SPSB1: variants seen among roughly 807,000 people sequenced by gnomAD.
SPSB1 encodes the protein splA/ryanodine receptor domain and SOCS box containing 1.
In SPSB1, 8 loss-of-function variants were observed where a neutral mutation model predicts 21.2. The observed-to-expected ratio is 0.38, with a 90% CI of 0.22 to 0.68. The LOEUF is 0.68. Among genes scored for constraint, SPSB1 ranks in the 30% least tolerant of loss-of-function variants. The pLI, the probability that SPSB1 is intolerant of heterozygous loss-of-function variation, is 0.53. For synonymous variants in SPSB1, 169 were observed against 161.7 expected (o/e 1.05, Z -0.34); for missense variants, 242 against 377.8 (o/e 0.64, Z 2.98).
At chr1:9,304,145 T>C (rs1639376969) in intron 1 of SPSB1, among the ~76,000 whole-genome samples, 1 of 152,262 alleles carries the variant, frequency 6.6e-6, no homozygotes, top group Non-Finnish European at 1.5e-5. Flanking sequence ...ACATCCTCCT[T>C]CTCCTGCACT....
chr1:9,323,794 A>G (rs1237445184), intron 1 of SPSB1, among the ~76,000 whole-genome samples: 1 of 152,120 alleles, frequency 6.6e-6, no homozygotes, highest in Non-Finnish European at 1.5e-5. Context: ...GCTAGTTTCC[A>G]GGGTCATGAG....
chr1:9,293,179 A>G lies in SPSB1; in HGVS notation c.-150+108A>G. The G allele has an allele frequency of 4.2e-6, 4 of 958,704 alleles. No individual in the cohort carries two copies. Among genetic ancestry groups the G allele is most frequent in the Non-Finnish European group, 4.9e-6 (4 of 809,008 alleles). The allele number at this position is 958,704 out of a possible 1,614,324, so 59.4% of individuals were successfully genotyped here. ...GACGCGGGGATCGCGCCGCTGGGGG[A>G]CCGAGTGGGTGGCGCGGGGCCGGGC... On this transcript the variant is annotated intron_variant, in intron 1 of 2. Coordinates refer to ENST00000328089, the MANE Select transcript of SPSB1 (RefSeq NM_025106.4). This position sits in a 1 kb window ranked among gnomAD's most constrained non-coding sequence, Gnocchi z 5.1.
intron 1 of SPSB1, among the ~76,000 whole-genome samples, chr1:9,330,002 A>C (rs995591534): frequency 6.6e-6 from 1 of 152,176 alleles, no homozygotes; most frequent in African/African-American, 2.4e-5. Flanking sequence ...GTGACTGCAC[A>C]TTTTTGCAAA....
chr1:9,335,897 CA>C (rs58099509), intron 1 of SPSB1, among the ~76,000 whole-genome samples: 110,998 of 152,114 alleles, frequency 0.73, 41,514 homozygotes, highest in African/African-American at 0.9. Flanking sequence ...CTCCGAATGT[CA>C]ATGTGCACAG....
At chr1:9,332,463 AG>A (rs1235042561) in intron 1 of SPSB1, among the ~76,000 whole-genome samples, 1 of 152,154 alleles carries the variant, frequency 6.6e-6, no homozygotes, top group African/African-American at 2.4e-5. Flanking sequence ...AGAGGCCAGG[AG>A]GGGGCCATTT....
At position 9,330,894 on chromosome 1, in the gene SPSB1, G is replaced by A. The variant is rs564291033; in HGVS notation, c.-149-24849G>A. On this transcript the variant is annotated intron_variant, in intron 1 of 2. Coordinates refer to ENST00000328089, the MANE Select transcript of SPSB1 (RefSeq NM_025106.4). ...TCCATCAGTGATACCCAAGGGTTCCGGTTTCTCCACATCCTTGCCAACACT... is the reference window on the plus strand; with the variant it reads ...TCCATCAGTGATACCCAAGGGTTCCAGTTTCTCCACATCCTTGCCAACACT... 2.0e-5 allele frequency among the ~76,000 whole-genome samples: 3 copies of A among 151,782 alleles called. No individual in the cohort carries two copies. The East Asian group carries it at 5.8e-4, about 29-fold the overall frequency.
chr1:9,342,956 T>C (rs28548566), intron 1 of SPSB1, among the ~76,000 whole-genome samples: 13,670 of 152,224 alleles, frequency 0.09, 1,657 homozygotes, highest in African/African-American at 0.28. Flanking sequence ...TCTCTGTAAG[T>C]TCTGTGCCTC....
chr1:9,303,083 G>A (rs532874518), intron 1 of SPSB1, among the ~76,000 whole-genome samples: 37 of 152,304 alleles, frequency 2.4e-4, no homozygotes, highest in African/African-American at 8.7e-4. Context: ...TGAGAGGGGA[G>A]TGATGGTGTT....
At position 9,345,579 on chromosome 1, in the gene SPSB1, C is replaced by G. The variant is rs1475624556; in HGVS notation, c.-149-10164C>G. ...GGCACAGTCCGTTGTCCTCGCCACCCTGACTAAGCTACAGCTGCGATATAT... is the reference window on the plus strand; with the variant it reads ...GGCACAGTCCGTTGTCCTCGCCACCGTGACTAAGCTACAGCTGCGATATAT... On this transcript the variant is annotated intron_variant, in intron 1 of 2. Transcript: ENST00000328089. This position sits in a 1 kb window ranked among gnomAD's most constrained non-coding sequence, Gnocchi z 4.8. Among the ~76,000 whole-genome samples, 4 of 152,182 alleles carry G rather than the reference C, an allele frequency of 2.6e-5. No individual in the cohort carries two copies. Among genetic ancestry groups the G allele is most frequent in the African/African-American group, 9.7e-5 (4 of 41,428 alleles).
chr1:9,303,326 C>T (rs1450726758), intron 1 of SPSB1, among the ~76,000 whole-genome samples: 1 of 152,214 alleles, frequency 6.6e-6, no homozygotes, highest in East Asian at 1.9e-4. Flanking sequence ...TAAAGAACCA[C>T]AGCCAGCTGA....
intron 1 of SPSB1, among the ~76,000 whole-genome samples, chr1:9,311,478 C>CG (rs1387948617): frequency 1.3e-5 from 2 of 152,138 alleles, no homozygotes; most frequent in Non-Finnish European, 1.5e-5. Flanking sequence ...AACAAATATT[C>CG]GCTGGTCTCT....
intron 1 of SPSB1, among the ~76,000 whole-genome samples, chr1:9,341,562 C>T (rs1640090666): frequency 6.6e-6 from 1 of 152,250 alleles, no homozygotes. Context: ...GCCAGACCAT[C>T]TCTCTGGTTG....
At chr1:9,299,887 T>C (rs1410680295) in intron 1 of SPSB1, among the ~76,000 whole-genome samples, 3 of 147,626 alleles carry the variant, frequency 2.0e-5, no homozygotes, top group South Asian at 2.1e-4. Flanking sequence ...CGCTTGAGCC[T>C]AGGAGGTCAA....
rs1640599833 is a variant in SPSB1, at chr1:9,367,611, G to A, written c.*36G>A. 1.3e-6 allele frequency: 2 copies of A among 1,559,972 alleles called. No homozygotes were observed. The highest frequency in any genetic ancestry group is 2.4e-5 in the East Asian group (1 of 42,108). ...CATACCGCCAGCGCGACAGCCACCT[G>A]GTGCCAACTCACTGAGCCGCCTGCC... On this transcript the variant is annotated 3_prime_UTR_variant, in exon 3 of 3. Coordinates refer to ENST00000328089, the MANE Select transcript of SPSB1 (RefSeq NM_025106.4). The surrounding 1 kb of genome is among the most constrained non-coding windows in gnomAD (Gnocchi z 5.9).
intron 1 of SPSB1, among the ~76,000 whole-genome samples, chr1:9,352,962 G>GA (rs908819651): frequency 6.6e-6 from 1 of 151,870 alleles, no homozygotes; most frequent in Admixed American, 6.6e-5. Context: ...GCGGCAGGGG[G>GA]GCTGTGGAGG....
chr1:9,299,847 C>T (rs1639298815), intron 1 of SPSB1, among the ~76,000 whole-genome samples: 1 of 150,824 alleles, frequency 6.6e-6, no homozygotes, highest in Non-Finnish European at 1.5e-5. Context: ...CCTGTGGTCC[C>T]AGCTACTTGG....
At chr1:9,337,418 C>T (rs1269357969) in intron 1 of SPSB1, among the ~76,000 whole-genome samples, 2 of 152,018 alleles carry the variant, frequency 1.3e-5, no homozygotes, top group African/African-American at 4.8e-5. Flanking sequence ...CAGCCACCTG[C>T]CCACCTAGCC....
In SPSB1 at chr1:9,305,784, G is replaced by A. The variant is rs766566155; in HGVS notation, c.-150+12713G>A. On this transcript the variant is annotated intron_variant, in intron 1 of 2. Coordinates refer to ENST00000328089, the MANE Select transcript of SPSB1 (RefSeq NM_025106.4). This position sits in a 1 kb window ranked among gnomAD's most constrained non-coding sequence, Gnocchi z 4.8. ...ACCTACTGTATGCAGCCAGTCTGCT[G>A]GGGCCGAGGATACAAAGAATGAGGA... Among the ~76,000 whole-genome samples, 2 of 152,180 alleles carry A rather than the reference G, an allele frequency of 1.3e-5. No homozygotes were observed. The highest frequency in any genetic ancestry group is 4.8e-5 in the African/African-American group (2 of 41,424).
intron 2 of SPSB1, among the ~76,000 whole-genome samples, chr1:9,360,455 C>T (rs1424621810): frequency 1.3e-5 from 2 of 152,174 alleles, no homozygotes; most frequent in Non-Finnish European, 2.9e-5. Context: ...CTGCTGAACA[C>T]ATTACCACAA....
Sources: gnomAD v4.1 joint callset for allele counts (sites outside exome capture counted in the v4.1 genomes callset) on GRCh38, gnomAD v4.1.1 for gene constraint, Gnocchi (gnomAD v3.1) non-coding constraint, MANE v1.5 for transcripts, NCBI Gene and HGNC (gene_info 2026-07-23, HGNC 2026-07-21) for gene names.